Variants in SPHKAP observed in about 807,000 individuals in gnomAD.
SPHKAP encodes SPHK1 interactor, AKAP domain containing, also known as A-kinase anchor protein SPHKAP.
A neutral mutation model predicts 137.5 loss-of-function variants in SPHKAP; 67 were observed. The observed-to-expected ratio is 0.49, with a 90% CI of 0.40 to 0.60. SPHKAP has a LOEUF of 0.60. SPHKAP is among the 20% of genes least tolerant of loss of function. The pLI is 0.00. For missense variants in SPHKAP, 2,097 were observed against 2,069.3 expected (o/e 1.01, Z -0.26); for synonymous variants, 813 against 785.3 (o/e 1.04, Z -0.59).
intron 1 of SPHKAP, among the ~76,000 whole-genome samples, chr2:228,139,338 C>A (rs559400957): frequency 6.6e-6 from 1 of 152,154 alleles, no homozygotes; most frequent in Non-Finnish European, 1.5e-5. Flanking sequence ...GAAATCTCTT[C>A]TTAAACAGAT....
intron 7 of SPHKAP, among the ~76,000 whole-genome samples, chr2:228,011,494 C>T (rs1007502133): frequency 1.3e-5 from 2 of 152,160 alleles, no homozygotes; most frequent in African/African-American, 4.8e-5. Context: ...TTTTTAACCT[C>T]TGAAATTTCT....
intron 3 of SPHKAP, among the ~76,000 whole-genome samples, chr2:228,040,552 C>T (rs944634742): frequency 6.6e-6 from 1 of 152,094 alleles, no homozygotes; most frequent in Admixed American, 6.6e-5. Context: ...GTTTTATTTA[C>T]ATTTAAGACT....
chr2:228,038,161 A>T (rs1200707540), intron 3 of SPHKAP, among the ~76,000 whole-genome samples: 2 of 152,156 alleles, frequency 1.3e-5, no homozygotes, highest in Non-Finnish European at 2.9e-5. Flanking sequence ...GGGAGTTATG[A>T]TCTGTCTGAA....
intron 3 of SPHKAP, among the ~76,000 whole-genome samples, chr2:228,101,235 C>T (rs1698174015): frequency 6.6e-6 from 1 of 152,192 alleles, no homozygotes. Flanking sequence ...ACACTAGAAG[C>T]ATCCATACAC....
intron 11 of SPHKAP, chr2:227,982,421 T>C (rs1166871731): frequency 1.1e-6 from 1 of 948,902 alleles, no homozygotes; most frequent in Non-Finnish European, 1.3e-6. Context: ...TCAGGAAAGA[T>C]GGAGGAAACA....
chr2:228,118,240 GTTTTTTTTT>G (rs71299665), intron 2 of SPHKAP, among the ~76,000 whole-genome samples: 1,253 of 124,142 alleles, frequency 0.01, 7 homozygotes, highest in Non-Finnish European at 0.013. Context: ...GAGATACACA[GTTTTTTTTT>G]TTTTTTTTTT....
At chr2:227,989,436 G>C (rs546589811) in intron 11 of SPHKAP, among the ~76,000 whole-genome samples, 3 of 152,114 alleles carry the variant, frequency 2.0e-5, no homozygotes, top group Non-Finnish European at 4.4e-5. Context: ...ATCCTACCTG[G>C]TGGCTTGATA....
At chr2:228,102,656 TA>T (rs1698214488) in intron 3 of SPHKAP, among the ~76,000 whole-genome samples, 1 of 152,212 alleles carries the variant, frequency 6.6e-6, no homozygotes, top group African/African-American at 2.4e-5. Flanking sequence ...ATTTACTGAA[TA>T]TACTCTAAAT....
intron 5 of SPHKAP, among the ~76,000 whole-genome samples, chr2:228,024,341 AG>A (rs1335040787): frequency 1.1e-5 from 1 of 93,144 alleles, no homozygotes; most frequent in Admixed American, 1.4e-4. Context: ...ATGCAGAGGC[AG>A]TTTTTTTTTT....
chr2:228,074,779 C>T (rs911525000), intron 3 of SPHKAP, among the ~76,000 whole-genome samples: 1 of 152,150 alleles, frequency 6.6e-6, no homozygotes, highest in African/African-American at 2.4e-5. Context: ...TGCCCTCCTT[C>T]CTTTGATCTT....
At chr2:228,175,214 C>T (rs1700703679) in intron 1 of SPHKAP, among the ~76,000 whole-genome samples, 1 of 151,968 alleles carries the variant, frequency 6.6e-6, no homozygotes. Flanking sequence ...CCAAGAAGCT[C>T]TTTGGATAGA....
At chr2:228,176,009 T>C (rs1488451191) in intron 1 of SPHKAP, among the ~76,000 whole-genome samples, 1 of 152,228 alleles carries the variant, frequency 6.6e-6, no homozygotes, top group African/African-American at 2.4e-5. Flanking sequence ...GTATTTCTTG[T>C]ACTTCATAAT....
Position 228,102,255 on chromosome 2 carries a change from T to A in SPHKAP, c.246+6577A>T, listed in dbSNP as rs575683007. 6.2e-3 allele frequency among the ~76,000 whole-genome samples: 922 copies of A among 149,910 alleles called. 15 individuals carry two copies. The highest frequency in any genetic ancestry group is 0.021 in the African/African-American group (865 of 40,930). On this transcript the variant is annotated intron_variant, in intron 3 of 11. Transcript: ENST00000392056. ...AAATACATTGCTTACCTTTTTTTTT[T>A]AAACACACTTGTCATTTGGTTTTTA... is the stretch of plus-strand genomic sequence containing the variant.
chr2:228,056,217 G>A (rs550035593), intron 3 of SPHKAP, among the ~76,000 whole-genome samples: 2 of 152,288 alleles, frequency 1.3e-5, no homozygotes, highest in East Asian at 3.9e-4. Context: ...TTCTCAACTA[G>A]AAGGTGGACT....
intron 2 of SPHKAP, among the ~76,000 whole-genome samples, chr2:228,124,278 T>C (rs904015989): frequency 1.3e-5 from 2 of 151,908 alleles, no homozygotes; most frequent in Non-Finnish European, 2.9e-5. Context: ...TAAGGACACA[T>C]GCACACATAT....
In SPHKAP at chr2:227,980,913, G is replaced by C. The variant is rs1559330467; in HGVS notation, c.*804C>G. On this transcript the variant is annotated 3_prime_UTR_variant, in exon 12 of 12. Transcript: ENST00000392056. ...AAAGTTTGTATTTCATATTATTCAA[G>C]ACACAAGCAGATTTTATCTGAAAAG... The C allele has an allele frequency of 6.6e-6, 1 of 152,114 alleles. No individual in the cohort carries two copies. Among genetic ancestry groups the C allele is most frequent in the African/African-American group, 2.4e-5 (1 of 41,434 alleles). The allele number at this position is 152,114 out of a possible 1,614,324, so 9.4% of individuals were successfully genotyped here. A position where few individuals can be genotyped will look rare whatever the true frequency, so the allele number is the denominator to read the frequency against.
chr2:228,006,572 G>A (rs561388788), intron 7 of SPHKAP, among the ~76,000 whole-genome samples: 5 of 152,188 alleles, frequency 3.3e-5, no homozygotes, highest in Admixed American at 1.3e-4. Flanking sequence ...GCTTTGTTCT[G>A]TTGCTGGTGA....
intron 11 of SPHKAP, among the ~76,000 whole-genome samples, chr2:227,987,354 T>G (rs1415677245): frequency 6.6e-6 from 1 of 152,224 alleles, no homozygotes; most frequent in African/African-American, 2.4e-5. Context: ...AGGTTGCTAT[T>G]TACAATCTGA....
chr2:228,045,567 G>A (rs1050346716), intron 3 of SPHKAP, among the ~76,000 whole-genome samples: 5 of 151,860 alleles, frequency 3.3e-5, no homozygotes, highest in African/African-American at 9.7e-5. Flanking sequence ...ATGGACACAC[G>A]AAGGGGAACA....
Sources: gnomAD v4.1 joint callset for allele counts (sites outside exome capture counted in the v4.1 genomes callset) on GRCh38, gnomAD v4.1.1 for gene constraint, MANE v1.5 for transcripts, NCBI Gene and HGNC (gene_info 2026-07-23, HGNC 2026-07-21) for gene names.